The following ENPP1 variants were observed in gnomAD, a reference collection of about 807,000 sequenced individuals.
ENPP1 encodes ectonucleotide pyrophosphatase/phosphodiesterase family member 1.
Under a neutral mutation model 122.8 loss-of-function variants are expected in ENPP1, and 73 were observed. That is an observed-to-expected ratio of 0.59 (90% CI 0.49 to 0.72). The LOEUF is 0.72. ENPP1 is among the 30% of genes least tolerant of loss of function. The probability of loss-of-function intolerance (pLI) is 0.00; values close to 1 mark genes in which losing one functional copy is unlikely to be tolerated. For missense variants in ENPP1, 978 were observed against 1,128.1 expected, an observed-to-expected ratio of 0.87 and a Z score of 1.91; for synonymous variants, 367 against 391.6, an observed-to-expected ratio of 0.94 and a Z score of 0.74.
intron 9 of ENPP1, among the ~76,000 whole-genome samples, chr6:131,862,387 C>T (rs1384929349): frequency 6.6e-6 from 1 of 152,090 alleles, no homozygotes; most frequent in East Asian, 1.9e-4. Flanking sequence ...GTTCATCTTG[C>T]ACACTTCCTA....
At chr6:131,837,939 G>T in intron 1 of ENPP1, among the ~76,000 whole-genome samples, 1 of 151,298 alleles carries the variant, frequency 6.6e-6, no homozygotes. Flanking sequence ...TTACTTTCTA[G>T]ATCTTTTTTA....
chr6:131,841,762 A>G lies in ENPP1; in HGVS notation c.241-6014A>G, dbSNP rs370797410. Among the ~76,000 whole-genome samples, 11 of 152,328 alleles carry G rather than the reference A, an allele frequency of 7.2e-5. 1 individual carries two copies. The highest frequency in any genetic ancestry group is 2.2e-4 in the African/African-American group (9 of 41,584). On this transcript the variant is annotated intron_variant, in intron 1 of 24. Coordinates refer to ENST00000647893, the MANE Select transcript of ENPP1 (RefSeq NM_006208.3). ...CAGAGACAGACAAATCTTATGGAGCATGGTAAGAGCTGCAGTAACTAGGGG... is the reference window on the plus strand; with the variant it reads ...CAGAGACAGACAAATCTTATGGAGCGTGGTAAGAGCTGCAGTAACTAGGGG...
intron 1 of ENPP1, among the ~76,000 whole-genome samples, chr6:131,842,172 T>C (rs1010860059): frequency 3.3e-5 from 5 of 152,148 alleles, no homozygotes; most frequent in African/African-American, 1.2e-4. Flanking sequence ...TCGTAATCTG[T>C]CTTGTGATGT....
Position 131,819,530 on chromosome 6 carries a change from ATACT to A in ENPP1, c.240+11262_240+11265del, listed in dbSNP as rs563892586. ...GATGAGTTCATTTTGCAACCTAAAA[ATACT>A]TACTTATTGAAACTATATTAATACT... On this transcript the variant is annotated intron_variant, in intron 1 of 24. Coordinates refer to ENST00000647893, the MANE Select transcript of ENPP1 (RefSeq NM_006208.3). Among the ~76,000 whole-genome samples the A allele has an allele frequency of 2.0e-4, 31 of 152,344 alleles. No individual in the cohort carries two copies. In the East Asian group the frequency reaches 2.3e-3, roughly 11 times the overall value.
intron 11 of ENPP1, among the ~76,000 whole-genome samples, chr6:131,867,063 C>G (rs1782099838): frequency 6.6e-6 from 1 of 152,170 alleles, no homozygotes; most frequent in African/African-American, 2.4e-5. Flanking sequence ...AGGTTGAGCC[C>G]ATTACTTTTC....
At chr6:131,890,278 A>C (rs9493119) in intron 24 of ENPP1, 63 bp from the exon 25 acceptor site, 1 of 1,288,746 alleles carries the variant, frequency 7.8e-7, no homozygotes, top group African/African-American at 1.5e-5. Flanking sequence ...GAGATGGAGC[A>C]CTTATAGAAG....
intron 1 of ENPP1, among the ~76,000 whole-genome samples, chr6:131,837,548 A>ACCAG (rs1471277008): frequency 6.7e-6 from 1 of 150,010 alleles, no homozygotes; most frequent in Admixed American, 6.6e-5. Context: ...AAAAAACCCA[A>ACCAG]CCAGCCAACC....
chr6:131,825,257 A>T (rs947285964), intron 1 of ENPP1, among the ~76,000 whole-genome samples: 1 of 152,324 alleles, frequency 6.6e-6, no homozygotes, highest in East Asian at 1.9e-4. Context: ...TGACACTAAC[A>T]AATCAAAGGG....
chr6:131,808,140 C>A lies in ENPP1; in HGVS notation c.105C>A (p.His35Gln). ...AGNGRDRGRS[H>Q]AAEAPGDPQA... ...ACGGCCGCGATCGGGGCCGCAGCCA[C>A]GCTGCCGAGGCGCCCGGGGACCCGC... Residue 35 changes from histidine (H) to glutamine (Q), a missense_variant, in exon 1 of 25, where the codon CAC becomes CAA. Physicochemically the swap from His to Gln is conservative, Grantham distance 24 (BLOSUM62 0). Transcript: ENST00000647893. 7.1e-7 allele frequency: 1 copy of A among 1,404,088 alleles called. No individual in the cohort carries two copies. The highest frequency in any genetic ancestry group is 1.5e-5 in the African/African-American group (1 of 66,594). The allele number at this position is 1,404,088 out of a possible 1,614,324, so 87.0% of individuals were successfully genotyped here. A position where few individuals can be genotyped will look rare whatever the true frequency, so the allele number is the denominator to read the frequency against.
At chr6:131,822,667 C>T (rs749965607) in intron 1 of ENPP1, among the ~76,000 whole-genome samples, 1 of 150,294 alleles carries the variant, frequency 6.7e-6, no homozygotes, top group African/African-American at 2.4e-5. Context: ...GAAAGTTTAC[C>T]ATTGATAGAC....
At chr6:131,825,488 T>G (rs1465378901) in intron 1 of ENPP1, among the ~76,000 whole-genome samples, 1 of 152,202 alleles carries the variant, frequency 6.6e-6, no homozygotes, top group Non-Finnish European at 1.5e-5. Context: ...ACATCCGTAG[T>G]GCTATGCAAT....
At chr6:131,835,949 G>A (rs1562514950) in intron 1 of ENPP1, among the ~76,000 whole-genome samples, 1 of 151,986 alleles carries the variant, frequency 6.6e-6, no homozygotes, top group Non-Finnish European at 1.5e-5. Flanking sequence ...AAGGTTAAAG[G>A]CCCAGATCCC....
chr6:131,874,141 T>G, intron 15 of ENPP1, 127 bp from the exon 16 acceptor site: 1 of 683,474 alleles, frequency 1.5e-6, no homozygotes, highest in East Asian at 2.7e-5. Flanking sequence ...CCAGGTGGTT[T>G]TATTTACCGT....
At chr6:131,861,530 T>C in intron 8 of ENPP1, 65 bp from the exon 9 acceptor site, 1 of 1,036,948 alleles carries the variant, frequency 9.6e-7, no homozygotes. Flanking sequence ...GTGGTATGAA[T>C]ACATACTTTC....
Position 131,890,328 on chromosome 6 carries a change from C to T in ENPP1, c.2608-13C>T, listed in dbSNP as rs373822001. 69 of 1,610,804 alleles carry T rather than the reference C, an allele frequency of 4.3e-5. No individual in the cohort carries two copies. In the South Asian group the frequency reaches 5.2e-4, roughly 12 times the overall value. ...TCTTGGTAACTTTTCTTTTATATTTCCTATTCTCCTAGCATGGGAAGCATG... is the reference window on the plus strand; with the variant it reads ...TCTTGGTAACTTTTCTTTTATATTTTCTATTCTCCTAGCATGGGAAGCATG... On this transcript the variant is annotated splice_polypyrimidine_tract_variant and intron_variant, in intron 24 of 24. Coordinates refer to ENST00000647893, the MANE Select transcript of ENPP1 (RefSeq NM_006208.3).
In ENPP1 at chr6:131,893,819, C is replaced by G. The variant is rs1782504179; in HGVS notation, c.*3308C>G. ...CAAAAGTGACTGATCTCTACTCCCC[C>G]AGTTTGAATGGTAAATTTGAATGGT... On this transcript the variant is annotated 3_prime_UTR_variant, in exon 25 of 25. Transcript: ENST00000647893. 6.6e-6 allele frequency: 1 copy of G among 152,104 alleles called. No individual in the cohort carries two copies. Among genetic ancestry groups the G allele is most frequent in the Non-Finnish European group, 1.5e-5 (1 of 68,028 alleles). 9.4% of individuals were successfully genotyped at this position (152,104 alleles called of 1,614,324 possible). A position where few individuals can be genotyped will look rare whatever the true frequency, so the allele number is the denominator to read the frequency against.
At chr6:131,868,467 T>G (rs1473470711) in intron 12 of ENPP1, among the ~76,000 whole-genome samples, 1 of 152,200 alleles carries the variant, frequency 6.6e-6, no homozygotes, top group East Asian at 1.9e-4. Flanking sequence ...TTTGAGACAG[T>G]CTCATTCTGT....
At position 131,869,410 on chromosome 6, in the gene ENPP1, G is replaced by A. The variant is rs1484076974; in HGVS notation, c.1326G>A (p.Gly442=). ...ACATATATCTGAATAAATATTTGGG[G>A]GATGTTAAAAATATTAAAGTTATCT... ...KKYIYLNKYL[G]DVKNIKVIYG... is the part of the protein sequence containing the mutation. The change falls in exon 13 of 25, where the codon GGG becomes GGA. Residue 442 remains glycine, a synonymous_variant. Transcript: ENST00000647893. 1.9e-6 allele frequency: 3 copies of A among 1,612,044 alleles called. No individual in the cohort carries two copies. The African/African-American group carries it at 4.0e-5, about 22-fold the overall frequency.
chr6:131,871,962 G>A, intron 13 of ENPP1, 108 bp from the exon 14 acceptor site: 1 of 855,764 alleles, frequency 1.2e-6, no homozygotes, highest in Non-Finnish European at 2.0e-6. Context: ...TTTAAAACCT[G>A]CCTTGGTATT....
Sources: gnomAD v4.1 joint callset for allele counts (sites outside exome capture counted in the v4.1 genomes callset) on GRCh38, gnomAD v4.1.1 for gene constraint, MANE v1.5 for transcripts, NCBI Gene and HGNC (gene_info 2026-07-23, HGNC 2026-07-21) for gene names.